The following LRRC4C variants were observed in gnomAD, a reference collection of about 807,000 sequenced individuals.
LRRC4C encodes the protein leucine-rich repeat-containing protein 4C.
LRRC4C carries 5 observed loss-of-function variants against 33.6 expected under a neutral mutation model. The observed-to-expected ratio is 0.15, with a 90% CI of 0.08 to 0.31. The LOEUF (loss-of-function observed/expected upper bound fraction) is 0.31, where lower values mean the gene tolerates loss of function less well. Ranked by LOEUF, LRRC4C falls within the 10% of genes least tolerant of loss-of-function variation. The pLI is 1.00. For missense variants in LRRC4C, 560 were observed against 796.7 expected (o/e 0.70, Z 3.58); for synonymous variants, 329 against 302.0 (o/e 1.09, Z -0.93).
At chr11:41,442,487 T>TTTG (rs1955661760) in intron 1 of LRRC4C, among the ~76,000 whole-genome samples, 1 of 142,648 alleles carries the variant, frequency 7.0e-6, no homozygotes, top group Non-Finnish European at 1.5e-5. Context: ...TTTTTTTTTT[T>TTTG]GAGACAGAGT....
At chr11:40,595,912 G>A (rs920051036) in intron 3 of LRRC4C, among the ~76,000 whole-genome samples, 9 of 152,076 alleles carry the variant, frequency 5.9e-5, no homozygotes, top group Admixed American at 5.2e-4. Context: ...CTATAGCGAC[G>A]GGGTAGTACT....
chr11:40,241,389 T>A (rs1367693761), intron 5 of LRRC4C, 130 bp downstream of exon 5: 1 of 151,746 alleles, frequency 6.6e-6, no homozygotes, highest in Non-Finnish European at 1.5e-5. Context: ...CTCAGAGAAA[T>A]GAATAAATAA....
rs1046184531 is a variant in LRRC4C, at chr11:41,033,497, A to G, written c.-495-99774T>C. Among the ~76,000 whole-genome samples the G allele has an allele frequency of 2.6e-5, 4 of 152,030 alleles. No individual in the cohort carries two copies. The East Asian group carries it at 7.7e-4, about 29-fold the overall frequency. ...TATCCCGTGATGCTCCCAGAAAATTATATACAGGGTGACCATTTCATCCTG... is the reference window on the plus strand; with the variant it reads ...TATCCCGTGATGCTCCCAGAAAATTGTATACAGGGTGACCATTTCATCCTG... On this transcript the variant is annotated intron_variant, in intron 1 of 6. Transcript: ENST00000528697.
chr11:40,770,268 G>C (rs1200245066), intron 2 of LRRC4C, among the ~76,000 whole-genome samples: 2 of 152,100 alleles, frequency 1.3e-5, no homozygotes, highest in African/African-American at 4.8e-5. Flanking sequence ...TCATATGGTG[G>C]CAGGAGATAG....
chr11:40,860,609 C>A lies in LRRC4C; in HGVS notation c.-407+73026G>T, dbSNP rs1954038392. Among the ~76,000 whole-genome samples the A allele has an allele frequency of 1.3e-5, 2 of 152,078 alleles. 1 individual carries two copies. The highest frequency in any genetic ancestry group is 4.2e-4 in the South Asian group (2 of 4,810). On this transcript the variant is annotated intron_variant, in intron 2 of 6. Coordinates refer to ENST00000528697, the MANE Select transcript of LRRC4C (RefSeq NM_001258419.2). ...GTTGTCACGGGGTGTACTACCAGTG[C>A]ATCTCTGTCTTCACATGGCTGTCTT...
At chr11:40,320,799 T>C (rs1387995665) in intron 3 of LRRC4C, among the ~76,000 whole-genome samples, 9 of 152,194 alleles carry the variant, frequency 5.9e-5, no homozygotes. Flanking sequence ...TATGTTTTGA[T>C]ATGGGTAGAA....
At chr11:40,508,683 A>G (rs1334551756) in intron 3 of LRRC4C, among the ~76,000 whole-genome samples, 1 of 152,140 alleles carries the variant, frequency 6.6e-6, no homozygotes, top group Non-Finnish European at 1.5e-5. Context: ...CAATGTATGA[A>G]TACTTTTAGA....
At chr11:40,690,120 C>G (rs771615485) in intron 2 of LRRC4C, among the ~76,000 whole-genome samples, 3 of 152,090 alleles carry the variant, frequency 2.0e-5, no homozygotes, top group African/African-American at 4.8e-5. Flanking sequence ...CTGTTAACCT[C>G]TCCACTTTGT....
At chr11:41,196,111 G>A (rs533146081) in intron 1 of LRRC4C, among the ~76,000 whole-genome samples, 1 of 152,158 alleles carries the variant, frequency 6.6e-6, no homozygotes, top group Non-Finnish European at 1.5e-5. Context: ...ATTTATAAAT[G>A]TCAATTGGAA....
intron 1 of LRRC4C, among the ~76,000 whole-genome samples, chr11:40,972,559 A>T (rs978316825): frequency 6.6e-6 from 1 of 152,148 alleles, no homozygotes; most frequent in Non-Finnish European, 1.5e-5. Flanking sequence ...TAGTTTATAA[A>T]GGAAATAGGT....
At chr11:40,775,957 G>C (rs1047524243) in intron 2 of LRRC4C, among the ~76,000 whole-genome samples, 1 of 151,336 alleles carries the variant, frequency 6.6e-6, no homozygotes, top group Non-Finnish European at 1.5e-5. Flanking sequence ...TTCTATGTTA[G>C]TTTATTGTGG....
At chr11:40,909,996 TC>T (rs1237387489) in intron 2 of LRRC4C, among the ~76,000 whole-genome samples, 3 of 152,250 alleles carry the variant, frequency 2.0e-5, no homozygotes, top group African/African-American at 7.2e-5. Flanking sequence ...CTTCATGTCT[TC>T]CCTTTATAAT....
chr11:40,237,106 C>T (rs1865617961), intron 5 of LRRC4C, among the ~76,000 whole-genome samples: 1 of 152,164 alleles, frequency 6.6e-6, no homozygotes, highest in African/African-American at 2.4e-5. Context: ...GTGTACTCAT[C>T]ACAAGTCCAT....
chr11:40,287,193 C>T (rs186158493), intron 4 of LRRC4C, among the ~76,000 whole-genome samples: 1 of 151,962 alleles, frequency 6.6e-6, no homozygotes, highest in East Asian at 1.9e-4. Flanking sequence ...GAAATACACA[C>T]TGCATCACAT....
At chr11:41,279,950 C>T (rs1038688436) in intron 1 of LRRC4C, among the ~76,000 whole-genome samples, 3 of 151,828 alleles carry the variant, frequency 2.0e-5, no homozygotes, top group Non-Finnish European at 4.4e-5. Context: ...AGAGAAGGCT[C>T]ATTATTTTCC....
intron 2 of LRRC4C, among the ~76,000 whole-genome samples, chr11:40,669,169 C>T (rs954985054): frequency 1.3e-5 from 2 of 152,164 alleles, no homozygotes; most frequent in Non-Finnish European, 2.9e-5. Context: ...GGCCCCTTCT[C>T]CTCTTCTTCT....
chr11:40,298,728 C>T (rs1944631690), intron 4 of LRRC4C, among the ~76,000 whole-genome samples: 1 of 152,080 alleles, frequency 6.6e-6, no homozygotes, highest in Non-Finnish European at 1.5e-5. Context: ...AATTGACTCA[C>T]AGTTCCACAT....
At chr11:41,443,329 G>C (rs1028012862) in intron 1 of LRRC4C, among the ~76,000 whole-genome samples, 1 of 151,798 alleles carries the variant, frequency 6.6e-6, no homozygotes, top group Non-Finnish European at 1.5e-5. Flanking sequence ...GCAACGCAGC[G>C]CAACCCCATT....
At chr11:41,421,496 C>T (rs2075191469) in intron 1 of LRRC4C, among the ~76,000 whole-genome samples, 1 of 151,828 alleles carries the variant, frequency 6.6e-6, no homozygotes, top group African/African-American at 2.4e-5. Context: ...TTAAAACTGC[C>T]CAGAGTAATT....
Sources: gnomAD v4.1 joint callset for allele counts (sites outside exome capture counted in the v4.1 genomes callset) on GRCh38, gnomAD v4.1.1 for gene constraint, MANE v1.5 for transcripts, NCBI Gene and HGNC (gene_info 2026-07-23, HGNC 2026-07-21) for gene names.